The following FSD2 variants were observed in gnomAD, a reference collection of about 807,000 sequenced individuals.
FSD2 encodes the protein fibronectin type III and SPRY domain containing 2.
Under a neutral mutation model 80.4 loss-of-function variants are expected in FSD2, and 71 were observed. The observed-to-expected ratio is 0.88, with a 90% CI of 0.73 to 1.08. FSD2 has a LOEUF of 1.08. Among genes scored for constraint, FSD2 ranks in the 50% least tolerant of loss-of-function variants. The pLI is 0.00. For synonymous variants in FSD2, 361 were observed against 329.5 expected (o/e 1.10, Z -1.03); for missense variants, 923 against 913.8 (o/e 1.01, Z -0.13).
At position 82,772,239 on chromosome 15, in the gene FSD2, A is replaced by G. The variant is rs772624329; in HGVS notation, c.1112-11T>C. The G allele has an allele frequency of 1.3e-6, 2 of 1,599,622 alleles. No homozygotes were observed. The highest frequency in any genetic ancestry group is 1.7e-6 in the Non-Finnish European group (2 of 1,173,236). On this transcript the variant is annotated splice_polypyrimidine_tract_variant and intron_variant, in intron 6 of 12. Transcript: ENST00000334574. ...CTGGAGCAGAAGGAGCTAGGAAAAG[A>G]AAAGAAAAAAGAAGAGGAACCTCTA...
intron 6 of FSD2, among the ~76,000 whole-genome samples, chr15:82,775,465 G>A (rs1196514059): frequency 6.6e-6 from 1 of 152,000 alleles, no homozygotes; most frequent in Non-Finnish European, 1.5e-5. Context: ...CAGTTTGGAT[G>A]CCTTTCTATC....
At chr15:82,774,881 C>A (rs972441544) in intron 6 of FSD2, among the ~76,000 whole-genome samples, 2 of 151,692 alleles carry the variant, frequency 1.3e-5, no homozygotes, top group Non-Finnish European at 2.9e-5. Flanking sequence ...GCCACCACAG[C>A]CAGCTAATTT....
At chr15:82,759,725 C>A in intron 12 of FSD2, 125 bp from the exon 13 acceptor site, 2 of 709,642 alleles carry the variant, frequency 2.8e-6, no homozygotes, top group Non-Finnish European at 4.5e-6. Flanking sequence ...AAATGACTAC[C>A]AAGGTGACAA....
chr15:82,765,211 C>G lies in FSD2; in HGVS notation c.1775G>C (p.Arg592Thr). The G allele has an allele frequency of 3.1e-6, 5 of 1,608,550 alleles. No individual in the cohort carries two copies. Among genetic ancestry groups the G allele is most frequent in the Non-Finnish European group, 4.2e-6 (5 of 1,176,912 alleles). ...DGLTAVRSER[R>T]TPARELSPSD... ...GGGTGACAGCTCCCTGGCGGGGGTT[C>G]TCCTTTCACTTCGTACAGCCGTAAG... is the stretch of plus-strand genomic sequence containing the variant. The change falls in exon 11 of 13, where the codon AGA becomes ACA. Residue 592 changes from arginine (R) to threonine (T), a missense_variant. By Grantham distance (71) the Arg-to-Thr change is moderately conservative. Transcript: ENST00000334574.
rs148125400 is a variant in FSD2 at position 82,780,159 on chromosome 15, G to A, written c.989+86C>T. The A allele has an allele frequency of 4.6e-3, 4,283 of 937,264 alleles. 15 individuals are homozygous for A. Among genetic ancestry groups the A allele is most frequent in the Non-Finnish European group, 6.0e-3 (3,684 of 619,152 alleles). The allele number at this position is 937,264 out of a possible 1,614,324, so 58.1% of individuals were successfully genotyped here. On this transcript the variant is annotated intron_variant, in intron 5 of 12. Transcript: ENST00000334574. ...TGACACAAAAGCTGAAACTGGAACCGTATAACCAAATGGAACTGAGTCTAT... is the reference window on the plus strand; with the variant it reads ...TGACACAAAAGCTGAAACTGGAACCATATAACCAAATGGAACTGAGTCTAT...
At chr15:82,795,860 T>A (rs4238539) in intron 1 of FSD2, among the ~76,000 whole-genome samples, 126,984 of 151,530 alleles carry the variant, frequency 0.84, 53,624 homozygotes, top group African/African-American at 0.95. Context: ...AGATGATAGG[T>A]GAGTTATGAT....
rs762388075 is a variant in FSD2 at position 82,765,183 on chromosome 15, G to T, written c.1803C>A (p.Ser601Arg). Residue 601 changes from serine (S) to arginine (R), a missense_variant, in exon 11 of 13, where the codon AGC becomes AGA. By Grantham distance (110) the Ser-to-Arg change is moderately radical. Transcript: ENST00000334574. ...RRTPARELSP[S>R]DTHFTRCVAV... ...CAAAGTACCTGGTGAAGTGAGTGTC[G>T]CTGGGTGACAGCTCCCTGGCGGGGG... 5 of 1,603,986 alleles carry T rather than the reference G, an allele frequency of 3.1e-6. No homozygotes were observed. The highest frequency in any genetic ancestry group is 4.3e-6 in the Non-Finnish European group (5 of 1,174,736).
At chr15:82,783,391 G>C (rs577279742) in intron 3 of FSD2, among the ~76,000 whole-genome samples, 1 of 152,278 alleles carries the variant, frequency 6.6e-6, no homozygotes, top group Non-Finnish European at 1.5e-5. Context: ...GAGCCACCAC[G>C]CCCAGCCTGA....
rs2151480498 is a variant in FSD2 at position 82,756,959 on chromosome 15, A to G, written c.*2389T>C. ...CTTGAGGTAAATCTGTCCCTTGCTG[A>G]ATACAGTTTCAGTAGATTGTTTATA... On this transcript the variant is annotated 3_prime_UTR_variant, in exon 13 of 13. Coordinates refer to ENST00000334574, the MANE Select transcript of FSD2 (RefSeq NM_001007122.4). The G allele has an allele frequency of 6.6e-6, 1 of 152,322 alleles. No homozygotes were observed. Among genetic ancestry groups the G allele is most frequent in the East Asian group, 1.9e-4 (1 of 5,194 alleles). The allele number at this position is 152,322 out of a possible 1,614,324, so 9.4% of individuals were successfully genotyped here. A position where few individuals can be genotyped will look rare whatever the true frequency, so the allele number is the denominator to read the frequency against.
Position 82,756,076 on chromosome 15 carries a change from C to A in FSD2, c.*3272G>T. Reference sequence around the variant, plus strand: ...CCTACTTATCTACCAACAGCAATTACACGCTTTCCATTGTCTTCCTATAGA... The same window carrying A: ...CCTACTTATCTACCAACAGCAATTAAACGCTTTCCATTGTCTTCCTATAGA... On this transcript the variant is annotated 3_prime_UTR_variant, in exon 13 of 13. Transcript: ENST00000334574. 2.1e-6 allele frequency: 1 copy of A among 473,876 alleles called. No homozygotes were observed. The highest frequency in any genetic ancestry group is 1.6e-5 in the South Asian group (1 of 63,994). The allele number at this position is 473,876 out of a possible 1,614,324, so 29.4% of individuals were successfully genotyped here. A position where few individuals can be genotyped will look rare whatever the true frequency, so the allele number is the denominator to read the frequency against.
Position 82,765,512 on chromosome 15 carries a change from G to C in FSD2, c.1688-214C>G, listed in dbSNP as rs139777209. On this transcript the variant is annotated intron_variant, in intron 10 of 12. Coordinates refer to ENST00000334574, the MANE Select transcript of FSD2 (RefSeq NM_001007122.4). ...ATCCTCACGACGACCCTTAGAAACA[G>C]GTGTCACTATTTCCATTTTGTAGAT... Among the ~76,000 whole-genome samples, 13 of 152,198 alleles carry C rather than the reference G, an allele frequency of 8.5e-5. No homozygotes were observed. The East Asian group carries it at 2.3e-3, about 27-fold the overall frequency.
intron 6 of FSD2, among the ~76,000 whole-genome samples, chr15:82,773,356 C>A (rs1352231999): frequency 1.3e-5 from 2 of 152,088 alleles, no homozygotes; most frequent in Non-Finnish European, 2.9e-5. Context: ...AACTTATATC[C>A]CCAGTGACAA....
chr15:82,777,221 A>G (rs1305008618), intron 6 of FSD2, among the ~76,000 whole-genome samples: 1 of 152,246 alleles, frequency 6.6e-6, no homozygotes, highest in Non-Finnish European at 1.5e-5. Flanking sequence ...AAATAGGCAA[A>G]TGGCACTACA....
intron 7 of FSD2, among the ~76,000 whole-genome samples, chr15:82,770,960 G>C (rs2049553313): frequency 6.6e-6 from 1 of 152,034 alleles, no homozygotes; most frequent in Non-Finnish European, 1.5e-5. Context: ...GCAAAAGCTG[G>C]GGTTAATCAA....
At chr15:82,773,865 A>G (rs1365424713) in intron 6 of FSD2, among the ~76,000 whole-genome samples, 1 of 152,208 alleles carries the variant, frequency 6.6e-6, no homozygotes, top group Non-Finnish European at 1.5e-5. Flanking sequence ...AATATCTATC[A>G]AAATTGTTTT....
chr15:82,768,901 G>A lies in FSD2; in HGVS notation c.1532C>T (p.Pro511Leu). 1 of 1,569,176 alleles carries A rather than the reference G, an allele frequency of 6.4e-7. No individual in the cohort carries two copies. The highest frequency in any genetic ancestry group is 8.6e-7 in the Non-Finnish European group (1 of 1,159,804). Residue 511 changes from proline (P) to leucine (L), a missense_variant, in exon 9 of 13, where the codon CCA (proline) becomes CTA (leucine). Physicochemically the swap from Pro to Leu is moderately conservative, Grantham distance 98 (BLOSUM62 -3). Transcript: ENST00000334574. ...TCACTCAGTTACACCCGAGGCTTCTGGACTTTCAGCCTGGGTCAGCTCCAC... is the reference window on the plus strand; with the variant it reads ...TCACTCAGTTACACCCGAGGCTTCTAGACTTTCAGCCTGGGTCAGCTCCAC... ...YTVELTQAES[P>L]EASGVTESVV...
intron 3 of FSD2, 130 bp downstream of exon 3, chr15:82,786,381 G>T: frequency 1.4e-6 from 1 of 692,934 alleles, no homozygotes; most frequent in Non-Finnish European, 2.5e-6. Context: ...GAAGGGAGGA[G>T]AGAAGGGGGA....
chr15:82,766,415 C>T (rs1228038281), intron 9 of FSD2, among the ~76,000 whole-genome samples: 2 of 152,080 alleles, frequency 1.3e-5, no homozygotes, highest in Non-Finnish European at 2.9e-5. Context: ...GGCTGAGTAC[C>T]GCTATTCTTA....
At chr15:82,803,755 T>C (rs2379994) in intron 1 of FSD2, among the ~76,000 whole-genome samples, 48,705 of 151,892 alleles carry the variant, frequency 0.32, 7,862 homozygotes, top group Middle Eastern at 0.36. Flanking sequence ...ATTCTGACTC[T>C]ACCTCTTGAA....
Sources: allele counts gnomAD v4.1 joint callset (sites outside exome capture counted in the v4.1 genomes callset), GRCh38; gene constraint gnomAD v4.1.1; transcripts MANE v1.5; gene names NCBI Gene and HGNC (gene_info 2026-07-23, HGNC 2026-07-21).